Variants in SFXN5 observed in about 807,000 individuals in gnomAD.
SFXN5 encodes sideroflexin-5.
Under a neutral mutation model 50.2 loss-of-function variants are expected in SFXN5, and 43 were observed. The observed-to-expected ratio is 0.86, with a 90% CI of 0.67 to 1.11. The LOEUF (loss-of-function observed/expected upper bound fraction) is 1.11. Among genes scored for constraint, SFXN5 ranks in the 50% least tolerant of loss-of-function variants. The pLI is 0.00. For missense variants in SFXN5, 463 were observed against 454.1 expected, an observed-to-expected ratio of 1.02 and a Z score of -0.18; for synonymous variants, 203 against 185.8, an observed-to-expected ratio of 1.09 and a Z score of -0.75.
At chr2:73,008,668 G>A (rs1364264372) in intron 6 of SFXN5, among the ~76,000 whole-genome samples, 1 of 152,184 alleles carries the variant, frequency 6.6e-6, no homozygotes, top group East Asian at 1.9e-4. Flanking sequence ...CACGCTGGCG[G>A]GTTTTTTCTG....
In SFXN5 at chr2:72,943,664, TAA is replaced by T. The variant is rs1479306153; in HGVS notation, c.*1356_*1357del. ...TATGTTACCTCCTCCTCCAGAACTGTAAAGTGTTTGGCAAAGGTCAACTGCTC... is the reference window on the plus strand; with the variant it reads ...TATGTTACCTCCTCCTCCAGAACTGTAGTGTTTGGCAAAGGTCAACTGCTC... On this transcript the variant is annotated 3_prime_UTR_variant, in exon 14 of 14. Coordinates refer to ENST00000272433, the MANE Select transcript of SFXN5 (RefSeq NM_144579.3). The T allele has an allele frequency of 2.6e-5, 4 of 152,774 alleles. No individual in the cohort carries two copies. Among genetic ancestry groups the T allele is most frequent in the African/African-American group, 9.6e-5 (4 of 41,456 alleles). 9.5% of individuals were successfully genotyped at this position (152,774 alleles called of 1,614,324 possible). A position where few individuals can be genotyped will look rare whatever the true frequency, so the allele number is the denominator to read the frequency against.
Position 73,052,124 on chromosome 2 carries a change from T to C in SFXN5, c.171+6404A>G, listed in dbSNP as rs181945161. 2.0e-5 allele frequency among the ~76,000 whole-genome samples: 3 copies of C among 152,250 alleles called. No individual in the cohort carries two copies. In the South Asian group the frequency reaches 6.2e-4, roughly 32 times the overall value. On this transcript the variant is annotated intron_variant, in intron 2 of 13. Coordinates refer to ENST00000272433, the MANE Select transcript of SFXN5 (RefSeq NM_144579.3). ...TTTCAAGCCAGTTCCTTTGTCTCCA[T>C]CATTCTTTGAGCACTTCCTCGCTTT...
chr2:73,045,059 A>G (rs1165425248), intron 2 of SFXN5, among the ~76,000 whole-genome samples: 2 of 152,230 alleles, frequency 1.3e-5, no homozygotes, highest in African/African-American at 2.4e-5. Context: ...CTCTTCTTGG[A>G]GAGACCAGGC....
At chr2:72,985,319 G>A (rs1031669107) in intron 10 of SFXN5, among the ~76,000 whole-genome samples, 16 of 152,106 alleles carry the variant, frequency 1.1e-4, no homozygotes, top group Non-Finnish European at 2.2e-4. Flanking sequence ...CAGGACCTAG[G>A]CCCTGCCAGC....
chr2:73,009,456 T>C (rs972186450), intron 6 of SFXN5, among the ~76,000 whole-genome samples: 2 of 152,216 alleles, frequency 1.3e-5, no homozygotes, highest in Non-Finnish European at 2.9e-5. Flanking sequence ...ATCCAGTGGT[T>C]CCTCTGGAGA....
intron 13 of SFXN5, among the ~76,000 whole-genome samples, chr2:72,946,298 T>G (rs1454457721): frequency 6.6e-6 from 1 of 152,100 alleles, no homozygotes; most frequent in African/African-American, 2.4e-5. Context: ...TTTAAAAAAC[T>G]TGGTCTACAC....
At chr2:72,956,469 T>C (rs146676568) in intron 13 of SFXN5, among the ~76,000 whole-genome samples, 1 of 152,166 alleles carries the variant, frequency 6.6e-6, no homozygotes, top group African/African-American at 2.4e-5. Flanking sequence ...GATAAATTAG[T>C]AGCAAGCAAT....
chr2:72,990,893 C>T (rs777743497), intron 9 of SFXN5, among the ~76,000 whole-genome samples: 3 of 152,160 alleles, frequency 2.0e-5, no homozygotes, highest in Non-Finnish European at 4.4e-5. Context: ...GGGGTCCTAA[C>T]GAGTGGAAAA....
At chr2:73,026,570 G>A (rs558315938) in intron 3 of SFXN5, among the ~76,000 whole-genome samples, 1 of 152,226 alleles carries the variant, frequency 6.6e-6, no homozygotes, top group African/African-American at 2.4e-5. Context: ...TAAAGTAATA[G>A]TACAATGCAT....
rs546497687 is a variant in SFXN5 at position 73,028,758 on chromosome 2, A to G, written c.250-5544T>C. Among the ~76,000 whole-genome samples, 12 of 152,342 alleles carry G rather than the reference A, an allele frequency of 7.9e-5. No individual in the cohort carries two copies. The South Asian group carries it at 2.5e-3, about 32-fold the overall frequency. ...TTGCTCAGTGAGCCTACACATGCAT[A>G]CATAGGAAAGAAATTCTGAGGAAAG... is the stretch of plus-strand genomic sequence containing the variant. On this transcript the variant is annotated intron_variant, in intron 3 of 13. Transcript: ENST00000272433.
At position 72,988,304 on chromosome 2, in the gene SFXN5, T is replaced by G. The variant is rs759813002; in HGVS notation, c.579A>C (p.Pro193=). Residue 193 remains proline (P), a synonymous_variant, in exon 10 of 14, where the codon CCA becomes CCC. Coordinates refer to ENST00000272433, the MANE Select transcript of SFXN5 (RefSeq NM_144579.3). ...VLVQKANKFT[P]ATRLLIQRFV... is the part of the protein sequence containing the mutation. The stretch of plus-strand genomic sequence containing the variant: ...ACCTCTGGATGAGAAGGCGGGTGGC[T>G]GGGGTGAACTTGTTGGCTTTCTGAA... 72 of 1,613,936 alleles carry G rather than the reference T, an allele frequency of 4.5e-5. No homozygotes were observed. Among genetic ancestry groups the G allele is most frequent in the Non-Finnish European group, 5.7e-5 (67 of 1,179,852 alleles).
At chr2:73,062,476 C>T (rs1191314542) in intron 1 of SFXN5, among the ~76,000 whole-genome samples, 1 of 152,150 alleles carries the variant, frequency 6.6e-6, no homozygotes, top group Non-Finnish European at 1.5e-5. Flanking sequence ...GAAGATGGTC[C>T]AGCAGAAACT....
At chr2:73,064,147 G>A (rs1444312160) in intron 1 of SFXN5, among the ~76,000 whole-genome samples, 3 of 152,228 alleles carry the variant, frequency 2.0e-5, no homozygotes, top group Non-Finnish European at 4.4e-5. Flanking sequence ...GGCCTTGGGA[G>A]CAGCAGCAGA....
chr2:73,060,309 C>T (rs1382263100), intron 1 of SFXN5, among the ~76,000 whole-genome samples: 1 of 152,160 alleles, frequency 6.6e-6, no homozygotes, highest in Non-Finnish European at 1.5e-5. Context: ...ACACTGTGTT[C>T]TTCCAAATGT....
chr2:73,016,643 G>C (rs949837460), intron 6 of SFXN5, among the ~76,000 whole-genome samples: 1 of 152,204 alleles, frequency 6.6e-6, no homozygotes, highest in Non-Finnish European at 1.5e-5. Context: ...ATCCGAGGCT[G>C]CAGTGAGCAG....
At chr2:72,999,128 G>C (rs1166640086) in intron 8 of SFXN5, 114 bp from the exon 9 acceptor site, 1 of 1,135,050 alleles carries the variant, frequency 8.8e-7, no homozygotes, top group Admixed American at 2.0e-5. Context: ...TGGAAAGTGG[G>C]TAGAAGGAAG....
intron 3 of SFXN5, among the ~76,000 whole-genome samples, chr2:73,040,510 T>C (rs1354877577): frequency 6.6e-6 from 1 of 152,220 alleles, no homozygotes; most frequent in Non-Finnish European, 1.5e-5. Flanking sequence ...CCAACTTCTA[T>C]GGTATAAATA....
At position 73,061,215 on chromosome 2, in the gene SFXN5, G is replaced by A. The variant is rs1387260512; in HGVS notation, c.103-2619C>T. Among the ~76,000 whole-genome samples the A allele has an allele frequency of 6.6e-5, 10 of 151,558 alleles. 1 individual carries two copies. The highest frequency in any genetic ancestry group is 1.0e-4 in the Non-Finnish European group (7 of 67,884). On this transcript the variant is annotated intron_variant, in intron 1 of 13. Transcript: ENST00000272433. ...CCCAGCTACTTGGGAGGCTGAAGCA[G>A]GAGAATCGCTTGAACCTAGGAGGTG...
At chr2:73,066,991 G>A (rs1313101810) in intron 1 of SFXN5, among the ~76,000 whole-genome samples, 1 of 152,188 alleles carries the variant, frequency 6.6e-6, no homozygotes, top group African/African-American at 2.4e-5. Flanking sequence ...GCTGCAGTGA[G>A]CCATTAATTA....
Sources: allele counts gnomAD v4.1 joint callset (sites outside exome capture counted in the v4.1 genomes callset), GRCh38; gene constraint gnomAD v4.1.1; transcripts MANE v1.5; gene names NCBI Gene and HGNC (gene_info 2026-07-23, HGNC 2026-07-21).